The following RLIM variants were observed in gnomAD, a reference collection of about 807,000 sequenced individuals.
The protein encoded by RLIM is E3 ubiquitin-protein ligase RLIM.
A neutral mutation model predicts 34.0 loss-of-function variants in RLIM; 2 were observed. The ratio of observed to expected loss-of-function variants is 0.06; its 90% CI spans 0.02 to 0.19. RLIM has a LOEUF of 0.19. Among genes scored for constraint, RLIM ranks in the 10% least tolerant of loss-of-function variants. The pLI is 1.00. For missense variants in RLIM, 286 were observed against 479.7 expected (o/e 0.60, Z 3.77); for synonymous variants, 169 against 164.0 (o/e 1.03, Z -0.23).
At chrX:74,603,286 C>T in intron 1 of RLIM, among the ~76,000 whole-genome samples, 1 of 110,447 alleles carries the variant, frequency 9.1e-6, no homozygotes, top group Middle Eastern at 4.6e-3. Flanking sequence ...CCCAACATAC[C>T]TTGTGCTTTA....
chrX:74,586,103 A>C lies in RLIM; in HGVS notation c.*5337T>G, dbSNP rs1291859832. 8.9e-6 allele frequency: 1 copy of C among 112,063 alleles called. No homozygotes were observed. The highest frequency in any genetic ancestry group is 1.9e-5 in the Non-Finnish European group (1 of 53,295). 9.2% of individuals were successfully genotyped at this position (112,063 alleles called of 1,213,427 possible). A position where few individuals can be genotyped will look rare whatever the true frequency, so the allele number is the denominator to read the frequency against. On this transcript the variant is annotated 3_prime_UTR_variant, in exon 4 of 4. Coordinates refer to ENST00000332687, the MANE Select transcript of RLIM (RefSeq NM_016120.4). ...ATAAAACAGGCACAGATACATCACC[A>C]GGCCAACTGCGTACCTACTCAACTT...
chrX:74,587,882 A>C lies in RLIM; in HGVS notation c.*3558T>G, dbSNP rs1168115214. The C allele has an allele frequency of 8.9e-6, 1 of 112,283 alleles. No individual in the cohort carries two copies. The highest frequency in any genetic ancestry group is 1.9e-5 in the Non-Finnish European group (1 of 53,273). The allele number at this position is 112,283 out of a possible 1,213,427, so 9.3% of individuals were successfully genotyped here. ...AACACTTACAGCCAATCAGTTTCCT[A>C]ATCTTAAGGTTTGGATGAATTCCAA... On this transcript the variant is annotated 3_prime_UTR_variant, in exon 4 of 4. Coordinates refer to ENST00000332687, the MANE Select transcript of RLIM (RefSeq NM_016120.4).
At position 74,593,434 on chromosome X, in the gene RLIM, G is replaced by C. The variant is rs749086866; in HGVS notation, c.254-373C>G. Reference sequence around the variant, plus strand: ...ACTAGGTAAGGAAACAGTGTTTAACGAACAGTCACATTTAGTTCAAGCTAC... The same window carrying C: ...ACTAGGTAAGGAAACAGTGTTTAACCAACAGTCACATTTAGTTCAAGCTAC... On this transcript the variant is annotated intron_variant, in intron 3 of 3. Coordinates refer to ENST00000332687, the MANE Select transcript of RLIM (RefSeq NM_016120.4). Among the ~76,000 whole-genome samples the C allele has an allele frequency of 2.7e-5, 3 of 112,284 alleles. No individual in the cohort carries two copies. The South Asian group carries it at 1.1e-3, about 41-fold the overall frequency.
intron 2 of RLIM, 32 bp from the exon 3 acceptor site, chrX:74,594,421 A>AT: frequency 2.0e-6 from 2 of 984,557 alleles, no homozygotes; most frequent in Middle Eastern, 2.7e-4. Flanking sequence ...CAAAGATGAC[A>AT]TTAGGGGTAT....
chrX:74,600,082 A>T (rs778506286), intron 1 of RLIM, among the ~76,000 whole-genome samples: 1 of 110,756 alleles, frequency 9.0e-6, no homozygotes, highest in East Asian at 2.8e-4. Context: ...ATCTTGTTTA[A>T]TTAAGATGAG....
intron 1 of RLIM, among the ~76,000 whole-genome samples, chrX:74,601,960 T>C (rs976925715): frequency 2.7e-5 from 3 of 111,383 alleles, no homozygotes; most frequent in Non-Finnish European, 5.7e-5. Context: ...TTAAACAGAT[T>C]CACAGTTGTT....
chrX:74,595,941 C>T lies in RLIM; in HGVS notation c.37G>A (p.Asp13Asn). Residue 13 changes from aspartate (D) to asparagine (N), a missense_variant, in exon 2 of 4, where the codon GAT (aspartate) becomes AAT (asparagine). By Grantham distance (23) the Asp-to-Asn change is conservative. Coordinates refer to ENST00000332687, the MANE Select transcript of RLIM (RefSeq NM_016120.4). ...NSDSNDKGSG[D>N]QSAAQRRSQM... ...CTTCTGCGCTGTGCTGCAGACTGATCACCACTTCCTTTGTCATTGGAATCT... is the reference window on the plus strand; with the variant it reads ...CTTCTGCGCTGTGCTGCAGACTGATTACCACTTCCTTTGTCATTGGAATCT... The T allele has an allele frequency of 1.7e-6, 2 of 1,196,468 alleles. No individual in the cohort carries two copies. Among genetic ancestry groups the T allele is most frequent in the Non-Finnish European group, 1.1e-6 (1 of 888,894 alleles).
intron 1 of RLIM, among the ~76,000 whole-genome samples, chrX:74,606,602 G>A (rs2079683118): frequency 9.0e-6 from 1 of 111,717 alleles, no homozygotes; most frequent in East Asian, 2.8e-4. Context: ...TTGTTATAAT[G>A]TTAAGGCAAA....
In RLIM at chrX:74,613,268, G is replaced by A. The variant is rs759147596; in HGVS notation, c.-24+1154C>T. ...TATTATTTCTTCCCCCTTTCAATCA[G>A]TCCAAAACACTGCGGTTAATTCTGA... is the stretch of plus-strand genomic sequence containing the variant. On this transcript the variant is annotated intron_variant, in intron 1 of 3. Transcript: ENST00000332687. Among the ~76,000 whole-genome samples, 4 of 111,064 alleles carry A rather than the reference G, an allele frequency of 3.6e-5. No individual in the cohort carries two copies. In the South Asian group the frequency reaches 1.5e-3, roughly 42 times the overall value.
rs974544418 is a variant in RLIM at position 74,588,671 on chromosome X, T to G, written c.*2769A>C. ...CATTGTTTATCCTTGTTCCTCTTAC[T>G]GCATGAAGTTCAAACTAGGTCTTAA... On this transcript the variant is annotated 3_prime_UTR_variant, in exon 4 of 4. Coordinates refer to ENST00000332687, the MANE Select transcript of RLIM (RefSeq NM_016120.4). 8.9e-6 allele frequency: 1 copy of G among 112,131 alleles called. No homozygotes were observed. The highest frequency in any genetic ancestry group is 2.8e-4 in the East Asian group (1 of 3,595). 9.2% of individuals were successfully genotyped at this position (112,131 alleles called of 1,213,427 possible).
At chrX:74,605,790 T>TA (rs1402593658) in intron 1 of RLIM, among the ~76,000 whole-genome samples, 1 of 112,059 alleles carries the variant, frequency 8.9e-6, no homozygotes, top group Non-Finnish European at 1.9e-5. Flanking sequence ...ACATAGCCCT[T>TA]ACACCTGTAT....
intron 1 of RLIM, among the ~76,000 whole-genome samples, chrX:74,609,938 G>A (rs976509717): frequency 1.6e-4 from 18 of 112,056 alleles, no homozygotes; most frequent in Non-Finnish European, 3.2e-4. Context: ...TTTCTCCCAG[G>A]AAGTAACATG....
In RLIM at chrX:74,585,336, C is replaced by T. The variant is rs1931321714; in HGVS notation, c.*6104G>A. 1.8e-5 allele frequency: 2 copies of T among 112,060 alleles called. No homozygotes were observed. The highest frequency in any genetic ancestry group is 6.5e-5 in the African/African-American group (2 of 30,793). The allele number at this position is 112,060 out of a possible 1,213,427, so 9.2% of individuals were successfully genotyped here. On this transcript the variant is annotated 3_prime_UTR_variant, in exon 4 of 4. Coordinates refer to ENST00000332687, the MANE Select transcript of RLIM (RefSeq NM_016120.4). Reference sequence around the variant, plus strand: ...ACATATAAACCAGTACCTGCCCACACTCATAGCAGTGAGGGGAATAAAAAT... The same window carrying T: ...ACATATAAACCAGTACCTGCCCACATTCATAGCAGTGAGGGGAATAAAAAT...
At position 74,595,973 on chromosome X, in the gene RLIM, T is replaced by G; in HGVS notation, c.5A>C (p.Glu2Ala). The change falls in exon 2 of 4, where the codon GAA becomes GCA. Residue 2 changes from glutamate to alanine, a missense_variant. Glu to Ala is a moderately radical substitution (Grantham distance 107, BLOSUM62 -1). Transcript: ENST00000332687. M[E>A]NSDSNDKGSG... is the part of the protein sequence containing the mutation. ...TCCTTTGTCATTGGAATCTGAGTTT[T>G]CCATATTGATGAACAAGTGGAAAAT... 8.5e-7 allele frequency: 1 copy of G among 1,176,391 alleles called. No homozygotes were observed. The highest frequency in any genetic ancestry group is 1.1e-6 in the Non-Finnish European group (1 of 878,149).
At chrX:74,600,587 T>TTGAAAAATA (rs2079657137) in intron 1 of RLIM, among the ~76,000 whole-genome samples, 1 of 111,683 alleles carries the variant, frequency 9.0e-6, no homozygotes, top group African/African-American at 3.3e-5. Flanking sequence ...GTTAAAAGGC[T>TTGAAAAATA]TGAAAAATAT....
Position 74,585,633 on chromosome X carries a change from G to C in RLIM, c.*5807C>G, listed in dbSNP as rs886771690. 8.9e-6 allele frequency: 1 copy of C among 112,021 alleles called. No homozygotes were observed. The highest frequency in any genetic ancestry group is 3.2e-5 in the African/African-American group (1 of 30,839). The allele number at this position is 112,021 out of a possible 1,213,427, so 9.2% of individuals were successfully genotyped here. Reference sequence around the variant, plus strand: ...GATTGACCTTTCAAGGTCTTGTTTTGCTTTAAACAAGTTAACTTTTAGCAG... The same window carrying C: ...GATTGACCTTTCAAGGTCTTGTTTTCCTTTAAACAAGTTAACTTTTAGCAG... On this transcript the variant is annotated 3_prime_UTR_variant, in exon 4 of 4. Transcript: ENST00000332687.
intron 1 of RLIM, among the ~76,000 whole-genome samples, chrX:74,611,215 T>C (rs1232275447): frequency 8.9e-6 from 1 of 112,010 alleles, no homozygotes; most frequent in Non-Finnish European, 1.9e-5. Context: ...TATTCTCTAA[T>C]TTGTCATCCA....
At chrX:74,593,810 T>C (rs143138136) in intron 3 of RLIM, among the ~76,000 whole-genome samples, 1 of 112,336 alleles carries the variant, frequency 8.9e-6, no homozygotes, top group Non-Finnish European at 1.9e-5. Context: ...ACTACTGACA[T>C]TTTAAGCCAG....
In RLIM at chrX:74,595,813, G is replaced by A. The variant is rs1215370954; in HGVS notation, c.165C>T (p.Thr55=). ...RLMRDNNLLG[T]PGESTEEELL... ...CTTAAATATATGTAAGCATACCTGGGGTGCCTAGCAAATTGTTATCTCTCA... is the reference window on the plus strand; with the variant it reads ...CTTAAATATATGTAAGCATACCTGGAGTGCCTAGCAAATTGTTATCTCTCA... Residue 55 remains threonine, a synonymous_variant, in exon 2 of 4, where the codon ACC becomes ACT. Coordinates refer to ENST00000332687, the MANE Select transcript of RLIM (RefSeq NM_016120.4). 1.7e-6 allele frequency: 2 copies of A among 1,188,364 alleles called. No homozygotes were observed. Among genetic ancestry groups the A allele is most frequent in the South Asian group, 3.8e-5 (2 of 53,227 alleles).
Sources: allele counts gnomAD v4.1 joint callset (sites outside exome capture counted in the v4.1 genomes callset), GRCh38; gene constraint gnomAD v4.1.1; transcripts MANE v1.5; gene names NCBI Gene and HGNC (gene_info 2026-07-23, HGNC 2026-07-21).